Variants in ZMAT4 observed in about 807,000 individuals in gnomAD.
ZMAT4 encodes the protein zinc finger matrin-type 4.
ZMAT4 carries 17 observed loss-of-function variants against 28.7 expected under a neutral mutation model. The observed-to-expected ratio is 0.59, with a 90% CI of 0.41 to 0.89. ZMAT4 has a LOEUF of 0.89. Ranked by LOEUF, ZMAT4 falls within the 40% of genes least tolerant of loss-of-function variation. The pLI, the probability that ZMAT4 is intolerant of heterozygous loss-of-function variation, is 0.00. For synonymous variants in ZMAT4, 117 were observed against 109.2 expected (o/e 1.07, Z -0.44); for missense variants, 240 against 283.8 (o/e 0.85, Z 1.11).
chr8:40,869,016 A>G (rs1401658364), intron 1 of ZMAT4, among the ~76,000 whole-genome samples: 1 of 152,156 alleles, frequency 6.6e-6, no homozygotes, highest in Non-Finnish European at 1.5e-5. Flanking sequence ...CTACCTGTCC[A>G]ACCCTGTTTG....
At chr8:40,754,040 C>G (rs1198628324) in intron 3 of ZMAT4, among the ~76,000 whole-genome samples, 1 of 151,852 alleles carries the variant, frequency 6.6e-6, no homozygotes, top group Non-Finnish European at 1.5e-5. Flanking sequence ...GGCATGGTGG[C>G]ACACGCCTGT....
chr8:40,772,226 C>T (rs963210288), intron 2 of ZMAT4, among the ~76,000 whole-genome samples: 2 of 152,182 alleles, frequency 1.3e-5, no homozygotes, highest in African/African-American at 2.4e-5. Flanking sequence ...TAATTAAAGC[C>T]TTTACCCCCG....
chr8:40,702,127 C>T (rs1312885327), intron 3 of ZMAT4, among the ~76,000 whole-genome samples: 2 of 152,164 alleles, frequency 1.3e-5, no homozygotes, highest in African/African-American at 4.8e-5. Context: ...AAATCCTCAC[C>T]AGATCCAACC....
chr8:40,606,538 G>A (rs1805585850), intron 5 of ZMAT4, among the ~76,000 whole-genome samples: 1 of 152,250 alleles, frequency 6.6e-6, no homozygotes, highest in Non-Finnish European at 1.5e-5. Flanking sequence ...GGTTTCTGCT[G>A]AAAAATCTGC....
At chr8:40,825,823 A>T in intron 1 of ZMAT4, 143 bp from the exon 2 acceptor site, 1 of 602,078 alleles carries the variant, frequency 1.7e-6, no homozygotes, top group Non-Finnish European at 2.9e-6. Flanking sequence ...TCTTGACGTT[A>T]TCATATCGAT....
intron 3 of ZMAT4, among the ~76,000 whole-genome samples, chr8:40,698,728 T>C (rs745458485): frequency 2.0e-5 from 3 of 152,196 alleles, no homozygotes; most frequent in Non-Finnish European, 4.4e-5. Flanking sequence ...CTTAAGACAT[T>C]AGTCTGTAAT....
chr8:40,756,426 T>TTATATATATATATATATATATCTA (rs1812684709), intron 3 of ZMAT4, among the ~76,000 whole-genome samples: 1 of 73,276 alleles, frequency 1.4e-5, no homozygotes, highest in Non-Finnish European at 2.4e-5. Context: ...AAATGTTCTT[T>TTATATATATATATATATATATCTA]TATATATATA....
intron 6 of ZMAT4, among the ~76,000 whole-genome samples, chr8:40,564,727 A>T (rs543815192): frequency 2.0e-5 from 3 of 152,302 alleles, no homozygotes; most frequent in Admixed American, 6.5e-5. Flanking sequence ...AATGATATTC[A>T]TGATATTCAT....
chr8:40,857,320 T>C (rs895368966), intron 1 of ZMAT4, among the ~76,000 whole-genome samples: 4 of 151,664 alleles, frequency 2.6e-5, no homozygotes, highest in African/African-American at 2.4e-5. Flanking sequence ...TGCCTGAGAA[T>C]AGCCGCTGCA....
chr8:40,871,167 G>A (rs1253815848), intron 1 of ZMAT4, among the ~76,000 whole-genome samples: 1 of 152,154 alleles, frequency 6.6e-6, no homozygotes, highest in Non-Finnish European at 1.5e-5. Flanking sequence ...GCCCCACAGA[G>A]ACATCAGGCA....
At chr8:40,881,439 G>GAA (rs1161926126) in intron 1 of ZMAT4, among the ~76,000 whole-genome samples, 1 of 79,506 alleles carries the variant, frequency 1.3e-5, no homozygotes, top group Non-Finnish European at 2.9e-5. Context: ...AAGAGAGAAA[G>GAA]AAAGAAAGAA....
rs556988023 is a variant in ZMAT4 at position 40,756,493 on chromosome 8, T to G, written c.192+11148A>C. On this transcript the variant is annotated intron_variant, in intron 3 of 6. Transcript: ENST00000297737. Reference sequence around the variant, plus strand: ...ATACCTGAAAAAGAGATACACACATTTATTCATCATGGCATTCTTTGTAAT... The same window carrying G: ...ATACCTGAAAAAGAGATACACACATGTATTCATCATGGCATTCTTTGTAAT... 3.9e-5 allele frequency among the ~76,000 whole-genome samples: 5 copies of G among 128,856 alleles called. No homozygotes were observed. In the South Asian group the frequency reaches 1.3e-3, roughly 34 times the overall value. The allele number at this position is 128,856 out of a possible 152,430, so 84.5% of individuals were successfully genotyped here. A position where few individuals can be genotyped will look rare whatever the true frequency, so the allele number is the denominator to read the frequency against.
chr8:40,658,400 C>G (rs2118845107), intron 5 of ZMAT4, among the ~76,000 whole-genome samples: 1 of 152,130 alleles, frequency 6.6e-6, no homozygotes, highest in East Asian at 1.9e-4. Context: ...AAGCCGGCAG[C>G]AAACTTAGGT....
chr8:40,870,875 G>T (rs937192676), intron 1 of ZMAT4, among the ~76,000 whole-genome samples: 6 of 152,204 alleles, frequency 3.9e-5, no homozygotes, highest in African/African-American at 1.4e-4. Flanking sequence ...TAAAGAAGAG[G>T]ATGCTGGAGC....
intron 5 of ZMAT4, among the ~76,000 whole-genome samples, chr8:40,626,109 T>C (rs1441008460): frequency 8.6e-5 from 2 of 23,338 alleles, no homozygotes; most frequent in Non-Finnish European, 9.2e-5. Flanking sequence ...AAACTCTGCC[T>C]CAGAAAAAAA....
At chr8:40,866,239 T>A (rs1396238831) in intron 1 of ZMAT4, among the ~76,000 whole-genome samples, 1 of 152,210 alleles carries the variant, frequency 6.6e-6, no homozygotes, top group Admixed American at 6.5e-5. Context: ...TCTTTCTGGT[T>A]TTAAGAATTG....
intron 5 of ZMAT4, among the ~76,000 whole-genome samples, chr8:40,613,054 G>T (rs545931958): frequency 6.6e-6 from 1 of 151,056 alleles, no homozygotes; most frequent in South Asian, 2.1e-4. Context: ...CTCGTGATCC[G>T]CCCACCTCAG....
chr8:40,780,144 C>T (rs1813771071), intron 2 of ZMAT4, among the ~76,000 whole-genome samples: 1 of 152,126 alleles, frequency 6.6e-6, no homozygotes, highest in African/African-American at 2.4e-5. Context: ...GGGATTTCTC[C>T]CCATAAGCCT....
chr8:40,732,025 A>G (rs1437076671), intron 3 of ZMAT4, among the ~76,000 whole-genome samples: 3 of 152,172 alleles, frequency 2.0e-5, no homozygotes, highest in Non-Finnish European at 4.4e-5. Context: ...CGGGAGTCAG[A>G]GACAGGAAGT....
Sources: allele counts gnomAD v4.1 joint callset (sites outside exome capture counted in the v4.1 genomes callset), GRCh38; gene constraint gnomAD v4.1.1; transcripts MANE v1.5; gene names NCBI Gene and HGNC (gene_info 2026-07-23, HGNC 2026-07-21).